Variants in SKAP1 observed in about 807,000 individuals in gnomAD.
SKAP1 encodes src kinase associated phosphoprotein 1, also known as src kinase-associated phosphoprotein 1.
SKAP1 carries 44 observed loss-of-function variants against 58.5 expected under a neutral mutation model. The ratio of observed to expected loss-of-function variants is 0.75; its 90% confidence interval spans 0.59 to 0.97. The LOEUF (loss-of-function observed/expected upper bound fraction) is 0.97, where lower values mean the gene tolerates loss of function less well. Ranked by LOEUF, SKAP1 falls within the 50% of genes least tolerant of loss-of-function variation. The pLI is 0.00. For missense variants in SKAP1, 390 were observed against 435.2 expected, an observed-to-expected ratio of 0.90 and a Z score of 0.92; for synonymous variants, 127 against 149.7, an observed-to-expected ratio of 0.85 and a Z score of 1.11.
chr17:48,178,271 C>T (rs377173001), intron 9 of SKAP1, among the ~76,000 whole-genome samples: 9 of 152,054 alleles, frequency 5.9e-5, no homozygotes, highest in Admixed American at 1.3e-4. Context: ...CCTTTGAAAA[C>T]GAAACATGGT....
intron 1 of SKAP1, among the ~76,000 whole-genome samples, chr17:48,411,007 AACAATTTCC>A (rs2067656827): frequency 6.6e-6 from 1 of 151,920 alleles, no homozygotes; most frequent in Non-Finnish European, 1.5e-5. Context: ...CCAAAACTGG[AACAATTTCC>A]ACAACAAAAT....
At chr17:48,303,410 T>G (rs549303215) in intron 4 of SKAP1, among the ~76,000 whole-genome samples, 9 of 152,370 alleles carry the variant, frequency 5.9e-5, no homozygotes, top group Admixed American at 5.9e-4. Flanking sequence ...TTTACCTTAA[T>G]GCCTATGCAA....
rs531249070 is a variant in SKAP1 at position 48,168,138 on chromosome 17, G to A, written c.877+2471C>T. Among the ~76,000 whole-genome samples, 589 of 152,198 alleles carry A rather than the reference G, an allele frequency of 3.9e-3. 1 individual carries two copies. Among genetic ancestry groups the A allele is most frequent in the Non-Finnish European group, 6.2e-3 (420 of 67,988 alleles). ...CATTAACACTCAATAAGGATGAACC[G>A]AATCCCTTCCCCCCTATTCTGATAA... On this transcript the variant is annotated intron_variant, in intron 10 of 12. Coordinates refer to ENST00000336915, the MANE Select transcript of SKAP1 (RefSeq NM_003726.4).
chr17:48,221,117 A>C (rs2065002041), intron 4 of SKAP1, among the ~76,000 whole-genome samples: 1 of 151,700 alleles, frequency 6.6e-6, no homozygotes, highest in South Asian at 2.1e-4. Context: ...AAATATAAAA[A>C]TTAGCTGGGC....
At chr17:48,155,740 CCA>C (rs1264338014) in intron 11 of SKAP1, among the ~76,000 whole-genome samples, 1 of 152,074 alleles carries the variant, frequency 6.6e-6, no homozygotes, top group African/African-American at 2.4e-5. Flanking sequence ...GCCTGTAGTC[CCA>C]GTTACTCAGG....
At chr17:48,138,949 C>T (rs1184416127) in intron 11 of SKAP1, among the ~76,000 whole-genome samples, 1 of 151,530 alleles carries the variant, frequency 6.6e-6, no homozygotes, top group African/African-American at 2.4e-5. Context: ...AATGCAGTGG[C>T]ACAATCTTGG....
At chr17:48,250,896 G>T (rs2065356638) in intron 4 of SKAP1, among the ~76,000 whole-genome samples, 1 of 152,030 alleles carries the variant, frequency 6.6e-6, no homozygotes. Context: ...GTGCCAAATG[G>T]TAATAAAACC....
At chr17:48,344,181 T>C (rs2066692194) in intron 4 of SKAP1, 1 of 334,864 alleles carries the variant, frequency 3.0e-6, no homozygotes, top group South Asian at 1.2e-4. Context: ...AAACTGCTAT[T>C]TAAAAAAAAT....
intron 4 of SKAP1, among the ~76,000 whole-genome samples, chr17:48,293,159 AAT>A (rs1253217061): frequency 3.3e-5 from 5 of 152,200 alleles, no homozygotes; most frequent in African/African-American, 4.8e-5. Context: ...AATTTTTACA[AAT>A]ATGTTTTCCA....
At chr17:48,245,063 G>A (rs2065280637) in intron 4 of SKAP1, among the ~76,000 whole-genome samples, 1 of 152,190 alleles carries the variant, frequency 6.6e-6, no homozygotes, top group South Asian at 2.1e-4. Context: ...GGAGTAACCT[G>A]ACTCTCTTTC....
chr17:48,309,174 A>T (rs1477200485), intron 4 of SKAP1, among the ~76,000 whole-genome samples: 1 of 152,114 alleles, frequency 6.6e-6, no homozygotes, highest in African/African-American at 2.4e-5. Flanking sequence ...ATAACACTTT[A>T]AAAAATGCAT....
chr17:48,170,734 G>C, intron 9 of SKAP1, 75 bp from the exon 10 acceptor site: 1 of 1,296,490 alleles, frequency 7.7e-7, no homozygotes, highest in Non-Finnish European at 1.1e-6. Flanking sequence ...TTTCGAGATA[G>C]AGTCTTGCTC....
intron 4 of SKAP1, among the ~76,000 whole-genome samples, chr17:48,232,583 T>C (rs2143787073): frequency 6.6e-6 from 1 of 152,310 alleles, no homozygotes; most frequent in East Asian, 1.9e-4. Flanking sequence ...ATAAAGTATA[T>C]GGATATGGGA....
chr17:48,296,576 G>A (rs1055948319), intron 4 of SKAP1, among the ~76,000 whole-genome samples: 7 of 152,042 alleles, frequency 4.6e-5, no homozygotes, highest in African/African-American at 7.2e-5. Flanking sequence ...CAAATATTCT[G>A]GTCTAACTAA....
intron 4 of SKAP1, among the ~76,000 whole-genome samples, chr17:48,316,138 T>C (rs1266427026): frequency 6.6e-6 from 1 of 152,230 alleles, no homozygotes. Context: ...AGTTATATTA[T>C]GCCAGTCTGT....
chr17:48,407,388 C>T (rs2067600361), intron 1 of SKAP1, among the ~76,000 whole-genome samples: 1 of 152,196 alleles, frequency 6.6e-6, no homozygotes, highest in Admixed American at 6.5e-5. Context: ...ACAGTGCTCT[C>T]TGGATTCACA....
chr17:48,218,307 A>C (rs2064963702), intron 4 of SKAP1, among the ~76,000 whole-genome samples: 1 of 152,206 alleles, frequency 6.6e-6, no homozygotes, highest in Non-Finnish European at 1.5e-5. Context: ...GCTTCAGCTT[A>C]TGTTACCAAC....
rs926695851 is a variant in SKAP1, at chr17:48,345,904, C to T, written c.280+1G>A. The T allele has an allele frequency of 5.0e-6, 8 of 1,602,888 alleles. No homozygotes were observed. The highest frequency in any genetic ancestry group is 2.7e-5 in the African/African-American group (2 of 74,644). On this transcript the variant is annotated splice_donor_variant, in intron 4 of 12. Coordinates refer to ENST00000336915, the MANE Select transcript of SKAP1 (RefSeq NM_003726.4). LOFTEE classifies it high-confidence loss of function. ...CCAAAATCCAGAAGGATAACACTCA[C>T]CCTCATCCTGATAATCTGACAAAAA...
intron 4 of SKAP1, among the ~76,000 whole-genome samples, chr17:48,330,072 T>C (rs6504172): frequency 0.3 from 46,254 of 151,980 alleles, 7,269 homozygotes; most frequent in Admixed American, 0.38. Flanking sequence ...GTGGTTGCTG[T>C]TGTTGGTAAT....
Sources: allele counts gnomAD v4.1 joint callset (sites outside exome capture counted in the v4.1 genomes callset), GRCh38; gene constraint gnomAD v4.1.1; transcripts MANE v1.5; gene names NCBI Gene and HGNC (gene_info 2026-07-23, HGNC 2026-07-21).